The following ARID2 variants were observed in gnomAD, a reference collection of about 807,000 sequenced individuals.
The protein encoded by ARID2 is AT-rich interactive domain-containing protein 2.
In ARID2, 32 loss-of-function variants were observed where a neutral mutation model predicts 184.6. The ratio of observed to expected loss-of-function variants is 0.17; its 90% CI spans 0.13 to 0.23. The LOEUF (loss-of-function observed/expected upper bound fraction) is 0.23, where lower values mean the gene tolerates loss of function less well. Ranked by LOEUF, ARID2 falls within the 10% of genes least tolerant of loss-of-function variation. ARID2 has a pLI of 1.00. For synonymous variants in ARID2, 836 were observed against 772.6 expected, an observed-to-expected ratio of 1.08 and a Z score of -1.36; for missense variants, 1,696 against 2,197.6, an observed-to-expected ratio of 0.77 and a Z score of 4.56.
At chr12:45,873,390 C>G (rs568181322) in intron 16 of ARID2, among the ~76,000 whole-genome samples, 1 of 152,132 alleles carries the variant, frequency 6.6e-6, no homozygotes, top group Non-Finnish European at 1.5e-5. Context: ...TGTAAATGCA[C>G]TTGTTCTTTT....
chr12:45,854,530 G>C (rs1035374687), intron 15 of ARID2, among the ~76,000 whole-genome samples: 1 of 152,092 alleles, frequency 6.6e-6, no homozygotes, highest in African/African-American at 2.4e-5. Context: ...TTTTTAATTA[G>C]TGCAATGTGG....
intron 3 of ARID2, among the ~76,000 whole-genome samples, chr12:45,786,264 A>G (rs896001695): frequency 9.2e-5 from 14 of 152,218 alleles, no homozygotes; most frequent in Non-Finnish European, 1.5e-5. Context: ...ATCTAGCCCA[A>G]TGTTAAGAAT....
chr12:45,892,355 G>A (rs1413635335), intron 18 of ARID2, among the ~76,000 whole-genome samples: 1 of 152,104 alleles, frequency 6.6e-6, no homozygotes, highest in African/African-American at 2.4e-5. Flanking sequence ...TCAGTCATTG[G>A]AAGTAATGAC....
intron 3 of ARID2, among the ~76,000 whole-genome samples, chr12:45,788,079 T>G (rs1269641736): frequency 1.3e-5 from 2 of 152,202 alleles, no homozygotes; most frequent in African/African-American, 4.8e-5. Context: ...ACAAATGCAT[T>G]ACCTCACATA....
chr12:45,839,020 G>A lies in ARID2; in HGVS notation c.1331-309G>A, dbSNP rs569625805. On this transcript the variant is annotated intron_variant, in intron 10 of 20. Coordinates refer to ENST00000334344, the MANE Select transcript of ARID2 (RefSeq NM_152641.4). ...AGCTGGGACTACAGGCACCATGCCCGGCTAATTTTTTTTTTTTGTATTTTT... is the reference window on the plus strand; with the variant it reads ...AGCTGGGACTACAGGCACCATGCCCAGCTAATTTTTTTTTTTTGTATTTTT... Among the ~76,000 whole-genome samples the A allele has an allele frequency of 4.5e-3, 675 of 151,368 alleles. 2 individuals carry two copies. The highest frequency in any genetic ancestry group is 7.9e-3 in the Non-Finnish European group (539 of 67,812).
intron 16 of ARID2, among the ~76,000 whole-genome samples, chr12:45,866,915 T>A (rs1943840063): frequency 6.6e-6 from 1 of 151,316 alleles, no homozygotes; most frequent in African/African-American, 2.4e-5. Flanking sequence ...TTTTGTTGGG[T>A]TGTTTTGTGA....
intron 15 of ARID2, among the ~76,000 whole-genome samples, chr12:45,854,153 G>C (rs1943603912): frequency 6.6e-6 from 1 of 152,172 alleles, no homozygotes. Context: ...AACGCCTGAT[G>C]ATCGGTCACT....
rs1003370518 is a variant in ARID2, at chr12:45,905,759, T to A, written c.*681T>A. 4.3e-6 allele frequency: 1 copy of A among 232,996 alleles called. No homozygotes were observed. The highest frequency in any genetic ancestry group is 8.5e-6 in the Non-Finnish European group (1 of 117,668). 14.4% of individuals were successfully genotyped at this position (232,996 alleles called of 1,614,324 possible). The stretch of plus-strand genomic sequence containing the variant: ...GCCACTGGAAATACATTCTGTGGTG[T>A]CCTAGAAGCATTATTGGTAGGTTCT... On this transcript the variant is annotated 3_prime_UTR_variant, in exon 21 of 21. Transcript: ENST00000334344.
At chr12:45,849,267 TATA>T (rs1243315916) in intron 13 of ARID2, among the ~76,000 whole-genome samples, 2 of 152,302 alleles carry the variant, frequency 1.3e-5, no homozygotes, top group African/African-American at 2.4e-5. Flanking sequence ...AATAATAGAA[TATA>T]ATATTATTAT....
intron 3 of ARID2, among the ~76,000 whole-genome samples, chr12:45,732,885 T>A (rs935672535): frequency 4.6e-5 from 7 of 152,200 alleles, no homozygotes; most frequent in African/African-American, 1.7e-4. Context: ...CAAATTAATA[T>A]CTAGGCTTCC....
chr12:45,797,769 T>G (rs1162040992), intron 3 of ARID2, among the ~76,000 whole-genome samples: 1 of 152,072 alleles, frequency 6.6e-6, no homozygotes, highest in Non-Finnish European at 1.5e-5. Context: ...AATTAATTAT[T>G]GAAAATGCTA....
chr12:45,730,207 G>A, intron 2 of ARID2, 70 bp downstream of exon 2: 1 of 1,522,976 alleles, frequency 6.6e-7, no homozygotes, highest in Non-Finnish European at 9.0e-7. Context: ...TGACCCCGGA[G>A]TGGGCGCTTG....
chr12:45,899,135 G>A (rs929297933), intron 20 of ARID2, among the ~76,000 whole-genome samples: 3 of 151,416 alleles, frequency 2.0e-5, no homozygotes, highest in Admixed American at 2.0e-4. Context: ...AGCTGGGCGT[G>A]GTGGCGCGTA....
intron 3 of ARID2, among the ~76,000 whole-genome samples, chr12:45,767,383 T>C (rs933406144): frequency 1.3e-5 from 2 of 151,796 alleles, no homozygotes; most frequent in Non-Finnish European, 1.5e-5. Context: ...TATAAAGTTG[T>C]TTTTTTTCAA....
intron 6 of ARID2, among the ~76,000 whole-genome samples, chr12:45,827,875 G>C (rs148359362): frequency 6.6e-6 from 1 of 152,184 alleles, no homozygotes; most frequent in African/African-American, 2.4e-5. Context: ...GCCTGTTTCA[G>C]CTGTGAATAT....
chr12:45,882,989 G>A (rs896133203), intron 16 of ARID2, among the ~76,000 whole-genome samples: 14 of 152,116 alleles, frequency 9.2e-5, no homozygotes, highest in Admixed American at 6.5e-4. Flanking sequence ...TCAATTGTCA[G>A]GATAACAAGT....
intron 3 of ARID2, among the ~76,000 whole-genome samples, chr12:45,788,819 G>A (rs1419684586): frequency 6.6e-6 from 1 of 152,200 alleles, no homozygotes; most frequent in Non-Finnish European, 1.5e-5. Flanking sequence ...TTATGAGAGT[G>A]TGAATAGATG....
At chr12:45,756,972 G>A (rs1016719310) in intron 3 of ARID2, among the ~76,000 whole-genome samples, 1 of 152,194 alleles carries the variant, frequency 6.6e-6, no homozygotes, top group Admixed American at 6.5e-5. Flanking sequence ...GGTATTCACA[G>A]CAAGTTCAGG....
chr12:45,800,758 TA>T (rs764836552), intron 3 of ARID2, among the ~76,000 whole-genome samples: 13 of 151,426 alleles, frequency 8.6e-5, no homozygotes, highest in Middle Eastern at 3.4e-3. Flanking sequence ...AAGAAACTGC[TA>T]AAAAAAATGA....
Sources: allele counts gnomAD v4.1 joint callset (sites outside exome capture counted in the v4.1 genomes callset), GRCh38; gene constraint gnomAD v4.1.1; transcripts MANE v1.5; gene names NCBI Gene and HGNC (gene_info 2026-07-23, HGNC 2026-07-21).